Variants in ITFG2 observed in about 807,000 individuals in gnomAD.
ITFG2 encodes integrin alpha FG-GAP repeat containing 2, also known as KICSTOR complex protein ITFG2.
ITFG2 carries 36 observed loss-of-function variants against 54.4 expected under a neutral mutation model. The ratio of observed to expected loss-of-function variants is 0.66; its 90% CI spans 0.51 to 0.87. ITFG2 has a LOEUF of 0.87. ITFG2 is among the 40% of genes least tolerant of loss of function. ITFG2 has a pLI of 0.00. For missense variants in ITFG2, 524 were observed against 576.7 expected, an observed-to-expected ratio of 0.91 and a Z score of 0.94; for synonymous variants, 211 against 225.4, an observed-to-expected ratio of 0.94 and a Z score of 0.57.
At chr12:2,829,497 C>T (rs1197263990), downstream of ITFG2, among the ~76,000 whole-genome samples, 2 of 152,152 alleles carry the variant, frequency 1.3e-5, no homozygotes, top group East Asian at 3.9e-4. Flanking sequence ...TGCCCTGGCC[C>T]TGTGGCTCAC....
chr12:2,828,006 G>T (rs562556400), downstream of ITFG2: 6 of 1,614,194 alleles, frequency 3.7e-6, no homozygotes, highest in African/African-American at 8.0e-5. Context: ...GGGCCCAGGG[G>T]CCAGGTCCCC....
chr12:2,849,218 T>A (rs1436561946), intron 2 of ITFG2: 1 of 1,530,936 alleles, frequency 6.5e-7, no homozygotes, highest in Non-Finnish European at 8.7e-7. Flanking sequence ...GATCGTCCCC[T>A]CTGGAAGCCC....
intron 2 of ITFG2, chr12:2,849,354 G>A (rs534698503): frequency 1.3e-6 from 2 of 1,536,162 alleles, no homozygotes; most frequent in Non-Finnish European, 8.7e-7. Flanking sequence ...CCCTTATGAG[G>A]TCCTGGCTCA....
intron 2 of ITFG2, chr12:2,830,461 T>A: frequency 3.3e-5 from 14 of 424,590 alleles, no homozygotes; most frequent in South Asian, 1.4e-4. Flanking sequence ...CTTACTTAAT[T>A]TAAGTATTGT....
chr12:2,842,849 C>A (rs973077161), intron 2 of ITFG2, among the ~76,000 whole-genome samples: 2 of 152,168 alleles, frequency 1.3e-5, no homozygotes, highest in African/African-American at 2.4e-5. Context: ...AATCTCAATT[C>A]TCTCAGGAAG....
In ITFG2 at chr12:2,818,219, T is replaced by C; in HGVS notation, c.348T>C (p.Arg116=). ...HHETLIGEEQ[R]PVFKQHIPAN... Reference sequence around the variant, plus strand: ...AGACACTAATCGGAGAGGAGCAGCGTCCAGTCTTCAAGCAGCACATCCCTG... The same window carrying C: ...AGACACTAATCGGAGAGGAGCAGCGCCCAGTCTTCAAGCAGCACATCCCTG... The change falls in exon 4 of 12, where the codon CGT becomes CGC. Residue 116 remains arginine, a synonymous_variant. Transcript: ENST00000228799. The C allele has an allele frequency of 6.2e-7, 1 of 1,613,900 alleles. No individual in the cohort carries two copies. The highest frequency in any genetic ancestry group is 1.6e-4 in the Middle Eastern group (1 of 6,062).
intron 1 of ITFG2, among the ~76,000 whole-genome samples, chr12:2,813,224 G>A (rs565672703): frequency 1.3e-5 from 2 of 152,232 alleles, no homozygotes; most frequent in African/African-American, 4.8e-5. Context: ...TTTAGTAGAG[G>A]TGGGGTTTCA....
chr12:2,824,101 C>T lies in ITFG2; in HGVS notation c.1252C>T (p.Leu418Phe), dbSNP rs756936443. Residue 418 changes from leucine to phenylalanine, a missense_variant, in exon 12 of 12, where the codon CTC (leucine) becomes TTC (phenylalanine). Physicochemically the swap from Leu to Phe is conservative, Grantham distance 22. Transcript: ENST00000228799. ...TTCTTGGCTCTCAGATCCTGACGAC[C>T]TCCCTGTGACTCGTGCCCTGCTTCA... ...LQELGVDPDDLPVTRALLHQT... is the reference protein window; with the variant it reads ...LQELGVDPDDFPVTRALLHQT... 1 of 1,614,158 alleles carries T rather than the reference C, an allele frequency of 6.2e-7. No individual in the cohort carries two copies. The highest frequency in any genetic ancestry group is 2.2e-5 in the East Asian group (1 of 44,872).
intron 1 of ITFG2, among the ~76,000 whole-genome samples, chr12:2,838,418 G>C (rs973561956): frequency 2.0e-5 from 3 of 152,144 alleles, no homozygotes; most frequent in Non-Finnish European, 1.5e-5. Context: ...CTGCCAACAT[G>C]GATGGGCTGT....
downstream of ITFG2, among the ~76,000 whole-genome samples, chr12:2,829,533 G>A (rs1215941525): frequency 6.6e-6 from 1 of 152,130 alleles, no homozygotes; most frequent in Non-Finnish European, 1.5e-5. Context: ...AAGCACTTTG[G>A]GAGGCCAAGG....
At chr12:2,827,897 C>T (rs777774309), downstream of ITFG2, 2 of 1,613,548 alleles carry the variant, frequency 1.2e-6, no homozygotes, top group Non-Finnish European at 8.5e-7. The surrounding 1 kb of genome is among the most constrained non-coding windows in gnomAD (Gnocchi z 4.0). Context: ...GAGGTGAGCA[C>T]CAGGGCTGTT....
At chr12:2,815,832 T>G (rs909776073) in intron 1 of ITFG2, among the ~76,000 whole-genome samples, 1 of 152,118 alleles carries the variant, frequency 6.6e-6, no homozygotes, top group Non-Finnish European at 1.5e-5. Flanking sequence ...AATAAAGAAC[T>G]GGGAAACTAT....
chr12:2,819,187 G>A (rs2097933522), intron 4 of ITFG2, among the ~76,000 whole-genome samples: 3 of 151,924 alleles, frequency 2.0e-5, no homozygotes. Flanking sequence ...AAATTGGGCT[G>A]GGCACGGTGG....
At chr12:2,846,755 A>G (rs1227739989) in intron 2 of ITFG2, among the ~76,000 whole-genome samples, 1 of 151,128 alleles carries the variant, frequency 6.6e-6, no homozygotes, top group Non-Finnish European at 1.5e-5. Context: ...GCTCTCACAC[A>G]CCCCGTCACA....
At chr12:2,822,991 C>T in intron 10 of ITFG2, 80 bp downstream of exon 10, 2 of 1,008,238 alleles carry the variant, frequency 2.0e-6, no homozygotes, top group Non-Finnish European at 3.1e-6. Context: ...AAGTGTTTGC[C>T]CCTCACTTCC....
chr12:2,821,656 A>G (rs747276941), intron 8 of ITFG2, 36 bp from the exon 9 acceptor site: 2 of 1,613,484 alleles, frequency 1.2e-6, no homozygotes, highest in East Asian at 2.2e-5. Context: ...CTCGGGGCCT[A>G]TCCCACCCAC....
intron 2 of ITFG2, among the ~76,000 whole-genome samples, chr12:2,842,278 C>T (rs1257459546): frequency 2.6e-5 from 4 of 151,084 alleles, no homozygotes; most frequent in South Asian, 2.1e-4. Flanking sequence ...TGTGCCACCA[C>T]GCCCAGCTAT....
chr12:2,823,067 G>A (rs1220914228), intron 10 of ITFG2, among the ~76,000 whole-genome samples, 156 bp downstream of exon 10: 3 of 151,990 alleles, frequency 2.0e-5, no homozygotes, highest in African/African-American at 7.2e-5. Context: ...TTTTGTTTGG[G>A]GGTGAGGGGT....
At chr12:2,840,807 AAAT>A (rs1603485538) in intron 1 of ITFG2, 1 of 152,570 alleles carries the variant, frequency 6.6e-6, no homozygotes. Flanking sequence ...ATAAAATTCT[AAAT>A]AAAATCCAAA....
Sources: allele counts gnomAD v4.1 joint callset (sites outside exome capture counted in the v4.1 genomes callset), GRCh38; gene constraint gnomAD v4.1.1; non-coding constraint Gnocchi (gnomAD v3.1); transcripts MANE v1.5; gene names NCBI Gene and HGNC (gene_info 2026-07-23, HGNC 2026-07-21).